Variants in B3GAT2 observed in about 807,000 individuals in gnomAD.
The protein encoded by B3GAT2 is beta-1,3-glucuronyltransferase 2, also known as galactosylgalactosylxylosylprotein 3-beta-glucuronosyltransferase 2.
B3GAT2 carries 26 observed loss-of-function variants against 27.8 expected under a neutral mutation model. The ratio of observed to expected loss-of-function variants is 0.93; its 90% CI spans 0.68 to 1.30. The LOEUF is 1.30. B3GAT2 is among the 50% of genes most tolerant of loss of function. B3GAT2 has a pLI of 0.00. For synonymous variants in B3GAT2, 218 were observed against 195.1 expected, an observed-to-expected ratio of 1.12 and a Z score of -0.98; for missense variants, 458 against 459.0, an observed-to-expected ratio of 1.00 and a Z score of 0.02.
rs1771498511 is a variant in B3GAT2 at position 70,857,841 on chromosome 6, G to A, written c.*3822C>T. 3.3e-6 allele frequency: 5 copies of A among 1,499,610 alleles called. No individual in the cohort carries two copies. In the East Asian group the frequency reaches 1.1e-4, roughly 34 times the overall value. 92.9% of individuals were successfully genotyped at this position (1,499,610 alleles called of 1,614,324 possible). A position where few individuals can be genotyped will look rare whatever the true frequency, so the allele number is the denominator to read the frequency against. ...ATGTTTGCTGTGAGTAGTTCAGAAA[G>A]GCAATTTTTCTGTGATTATAGAGAT... is the stretch of plus-strand genomic sequence containing the variant. On this transcript the variant is annotated 3_prime_UTR_variant, in exon 4 of 4. Coordinates refer to ENST00000230053, the MANE Select transcript of B3GAT2 (RefSeq NM_080742.3).
intron 1 of B3GAT2, among the ~76,000 whole-genome samples, chr6:70,903,237 C>A (rs1300438817): frequency 6.6e-6 from 1 of 151,754 alleles, no homozygotes; most frequent in African/African-American, 2.4e-5. Context: ...AACACAAAAG[C>A]TAAAGTTTTT....
intron 1 of B3GAT2, among the ~76,000 whole-genome samples, chr6:70,947,394 G>A (rs1215787496): frequency 6.6e-6 from 1 of 151,918 alleles, no homozygotes; most frequent in Non-Finnish European, 1.5e-5. Flanking sequence ...AATGATAAAG[G>A]GGATATCACC....
chr6:70,928,392 T>C (rs1208369161), intron 1 of B3GAT2, among the ~76,000 whole-genome samples: 3 of 150,594 alleles, frequency 2.0e-5, no homozygotes, highest in African/African-American at 7.3e-5. Context: ...AATCAATGAA[T>C]CTAGGAATTG....
chr6:70,881,566 T>C (rs546113085), intron 2 of B3GAT2, among the ~76,000 whole-genome samples: 1 of 152,226 alleles, frequency 6.6e-6, no homozygotes, highest in South Asian at 2.1e-4. Flanking sequence ...AACTCAACAC[T>C]TCAGAGGCGG....
At position 70,956,618 on chromosome 6, in the gene B3GAT2, C is replaced by G; in HGVS notation, c.-189G>C. On this transcript the variant is annotated 5_prime_UTR_variant, in exon 1 of 4. Coordinates refer to ENST00000230053, the MANE Select transcript of B3GAT2 (RefSeq NM_080742.3). ...CCTGGGCGTGGAGGAGCGGCAGGTT[C>G]GCGCAAGCTAGAGCGACAAGGGGTG... 7.0e-7 allele frequency: 1 copy of G among 1,430,100 alleles called. No homozygotes were observed. The highest frequency in any genetic ancestry group is 1.5e-5 in the South Asian group (1 of 67,056). 88.6% of individuals were successfully genotyped at this position (1,430,100 alleles called of 1,614,324 possible).
chr6:70,950,352 A>C (rs566103580), intron 1 of B3GAT2, among the ~76,000 whole-genome samples: 5 of 152,236 alleles, frequency 3.3e-5, no homozygotes, highest in African/African-American at 1.2e-4. Context: ...AAGTAACAAA[A>C]GGTCAAAGGA....
At chr6:70,900,307 G>C (rs960578569) in intron 1 of B3GAT2, among the ~76,000 whole-genome samples, 2 of 152,170 alleles carry the variant, frequency 1.3e-5, no homozygotes, top group Non-Finnish European at 2.9e-5. Flanking sequence ...ACTATTCCAG[G>C]GTAGTGGTGC....
At chr6:70,903,392 T>A (rs1772541619) in intron 1 of B3GAT2, among the ~76,000 whole-genome samples, 1 of 152,042 alleles carries the variant, frequency 6.6e-6, no homozygotes, top group Non-Finnish European at 1.5e-5. Flanking sequence ...TTTTCTACTC[T>A]CCAAAAGATA....
rs138561149 is a variant in B3GAT2 at position 70,878,878 on chromosome 6, T to C, written c.736+15250A>G. The stretch of plus-strand genomic sequence containing the variant: ...GCCTCTCTCTGCCCCCCCTCCCCCT[T>C]ACCTTTTTGAATGAGACTACATCTG... On this transcript the variant is annotated intron_variant, in intron 2 of 3. Coordinates refer to ENST00000230053, the MANE Select transcript of B3GAT2 (RefSeq NM_080742.3). Among the ~76,000 whole-genome samples, 1,363 of 151,380 alleles carry C rather than the reference T, an allele frequency of 9.0e-3. 26 individuals carry two copies. Among genetic ancestry groups the C allele is most frequent in the African/African-American group, 0.031 (1,292 of 41,372 alleles).
chr6:70,942,270 G>A (rs1213605120), intron 1 of B3GAT2, among the ~76,000 whole-genome samples: 1 of 152,284 alleles, frequency 6.6e-6, no homozygotes, highest in African/African-American at 2.4e-5. Context: ...AACCTGAAGA[G>A]TTCTTTACAG....
At chr6:70,882,985 A>C (rs948292398) in intron 2 of B3GAT2, among the ~76,000 whole-genome samples, 1 of 152,244 alleles carries the variant, frequency 6.6e-6, no homozygotes, top group African/African-American at 2.4e-5. Context: ...CACGAAGCAC[A>C]TGAAGTGCAA....
intron 1 of B3GAT2, among the ~76,000 whole-genome samples, chr6:70,917,013 G>T (rs1271258122): frequency 2.6e-5 from 4 of 152,124 alleles, no homozygotes; most frequent in African/African-American, 9.7e-5. Flanking sequence ...ATTTGGCTGT[G>T]AGTCTGTCTG....
At chr6:70,874,488 G>A (rs957000509) in intron 2 of B3GAT2, among the ~76,000 whole-genome samples, 1 of 152,176 alleles carries the variant, frequency 6.6e-6, no homozygotes, top group Non-Finnish European at 1.5e-5. Flanking sequence ...AGTACTAAGA[G>A]GGGGAAGACT....
chr6:70,876,550 G>A (rs747149572), intron 2 of B3GAT2, among the ~76,000 whole-genome samples: 13 of 152,016 alleles, frequency 8.6e-5, no homozygotes, highest in Non-Finnish European at 1.3e-4. Flanking sequence ...CATCTTATAC[G>A]GTTATTGTAA....
At chr6:70,894,478 T>C (rs962567646) in intron 1 of B3GAT2, among the ~76,000 whole-genome samples, 2 of 152,216 alleles carry the variant, frequency 1.3e-5, no homozygotes, top group Admixed American at 6.5e-5. Context: ...CGGTCATAAA[T>C]TGGGCTAGGG....
chr6:70,892,755 C>G (rs1160044683), intron 2 of B3GAT2, among the ~76,000 whole-genome samples: 2 of 152,226 alleles, frequency 1.3e-5, no homozygotes, highest in African/African-American at 4.8e-5. Context: ...AGGTACACTT[C>G]TGGTCAGCAA....
chr6:70,907,463 C>T (rs965691372), intron 1 of B3GAT2, among the ~76,000 whole-genome samples: 18 of 152,198 alleles, frequency 1.2e-4, no homozygotes, highest in African/African-American at 4.3e-4. Context: ...CACTGAGTCA[C>T]TAAGTCATCC....
intron 1 of B3GAT2, among the ~76,000 whole-genome samples, chr6:70,928,415 G>C (rs1773000875): frequency 6.6e-6 from 1 of 151,244 alleles, no homozygotes; most frequent in Non-Finnish European, 1.5e-5. Flanking sequence ...TTTTTGAAAA[G>C]ATCAACAAAA....
At chr6:70,939,086 G>A (rs576526363) in intron 1 of B3GAT2, among the ~76,000 whole-genome samples, 5 of 152,086 alleles carry the variant, frequency 3.3e-5, no homozygotes, top group East Asian at 1.9e-4. Flanking sequence ...ACAAGTGGGC[G>A]AAGGACATGA....
Sources: gnomAD v4.1 joint callset for allele counts (sites outside exome capture counted in the v4.1 genomes callset) on GRCh38, gnomAD v4.1.1 for gene constraint, MANE v1.5 for transcripts, NCBI Gene and HGNC (gene_info 2026-07-23, HGNC 2026-07-21) for gene names.